Variants in ASPH observed in about 807,000 individuals in gnomAD.
ASPH encodes the protein aspartyl/asparaginyl beta-hydroxylase.
A neutral mutation model predicts 118.4 loss-of-function variants in ASPH; 100 were observed. That is an observed-to-expected ratio of 0.84 (90% CI 0.72 to 1.00). ASPH has a LOEUF of 1.00. Ranked by LOEUF, ASPH falls within the 50% of genes least tolerant of loss-of-function variation. The pLI is 0.00. For missense variants in ASPH, 920 were observed against 919.5 expected (o/e 1.00, Z -0.01); for synonymous variants, 315 against 325.6 (o/e 0.97, Z 0.35).
intron 4 of ASPH, among the ~76,000 whole-genome samples, chr8:61,652,433 G>A (rs1381070160): frequency 6.6e-6 from 1 of 152,130 alleles, no homozygotes; most frequent in East Asian, 1.9e-4. Context: ...AACTTAGTGA[G>A]GACTCCATGC....
At chr8:61,642,085 C>T (rs540764906) in intron 10 of ASPH, among the ~76,000 whole-genome samples, 2 of 152,262 alleles carry the variant, frequency 1.3e-5, no homozygotes, top group East Asian at 3.9e-4. Context: ...TGCTTGGACA[C>T]AAGAGGAGGG....
At chr8:61,667,477 C>A (rs776008554) in intron 3 of ASPH, among the ~76,000 whole-genome samples, 10 of 152,132 alleles carry the variant, frequency 6.6e-5, no homozygotes, top group Non-Finnish European at 1.3e-4. Flanking sequence ...AGCGATTCTT[C>A]TGCCTCAGCC....
At chr8:61,663,152 T>C in intron 3 of ASPH, 1 of 985,428 alleles carries the variant, frequency 1.0e-6, no homozygotes, top group Non-Finnish European at 1.2e-6. Context: ...GTAACTTTCA[T>C]ATGCCTGGGG....
chr8:61,697,376 A>G (rs1167441524), intron 1 of ASPH, among the ~76,000 whole-genome samples: 2 of 152,224 alleles, frequency 1.3e-5, no homozygotes, highest in African/African-American at 4.8e-5. Flanking sequence ...CCAGCAAGTA[A>G]GCAATCAATT....
intron 3 of ASPH, among the ~76,000 whole-genome samples, chr8:61,679,935 G>GCAA (rs1827143040): frequency 1.6e-5 from 2 of 126,770 alleles, no homozygotes; most frequent in Non-Finnish European, 3.4e-5. Context: ...TTCCCAATGG[G>GCAA]CAATAATAAA....
At chr8:61,525,902 C>G (rs1815150064) in intron 22 of ASPH, 75 bp downstream of exon 22, 7 of 1,573,508 alleles carry the variant, frequency 4.4e-6, no homozygotes, top group Non-Finnish European at 8.6e-7. Context: ...GGAAGCATCA[C>G]CAGAAGACTC....
intron 22 of ASPH, among the ~76,000 whole-genome samples, chr8:61,521,447 G>C (rs1812979467): frequency 6.6e-6 from 1 of 152,206 alleles, no homozygotes; most frequent in African/African-American, 2.4e-5. Flanking sequence ...TGAGGGATTT[G>C]AAGCTCAGAG....
At chr8:61,574,907 C>T (rs1401309763) in intron 16 of ASPH, among the ~76,000 whole-genome samples, 10 of 152,186 alleles carry the variant, frequency 6.6e-5, no homozygotes, top group African/African-American at 1.7e-4. Context: ...CTTCTCAGCA[C>T]GTGTAGAATA....
Position 61,651,065 on chromosome 8 carries a change from C to A in ASPH, c.475G>T (p.Val159Leu), listed in dbSNP as rs767403241. The change falls in exon 5 of 25, where the codon GTA (valine) becomes TTA (leucine). Residue 159 changes from valine to leucine, a missense_variant. By Grantham distance (32) the Val-to-Leu change is conservative. Coordinates refer to ENST00000379454, the MANE Select transcript of ASPH (RefSeq NM_004318.4). Reference protein sequence around the residue: ...EQIQSLLHEMVHAEHVEGEDL... With the variant: ...EQIQSLLHEMLHAEHVEGEDL... ...TAATTCATACCATGTTCTGCGTGTA[C>A]CATTTCATGGAGAAGGGACTGAATT... 1 of 1,613,482 alleles carries A rather than the reference C, an allele frequency of 6.2e-7. No homozygotes were observed. Among genetic ancestry groups the A allele is most frequent in the Non-Finnish European group, 8.5e-7 (1 of 1,179,714 alleles).
intron 10 of ASPH, among the ~76,000 whole-genome samples, chr8:61,639,503 C>G (rs771274691): frequency 4.6e-5 from 7 of 152,138 alleles, no homozygotes; most frequent in Non-Finnish European, 8.8e-5. Context: ...CATACTCTCC[C>G]CTTTGGTTTT....
intron 10 of ASPH, among the ~76,000 whole-genome samples, chr8:61,641,823 C>T (rs1047067615): frequency 6.6e-6 from 1 of 152,160 alleles, no homozygotes; most frequent in Non-Finnish European, 1.5e-5. Context: ...CCTCCATATC[C>T]ACCAACTCAA....
intron 14 of ASPH, among the ~76,000 whole-genome samples, chr8:61,604,831 GC>G (rs1845092324): frequency 6.6e-6 from 1 of 152,202 alleles, no homozygotes. Flanking sequence ...GCACAATCAG[GC>G]AGACTCAGGG....
Position 61,501,561 on chromosome 8 carries a change from A to G in ASPH, c.*1798T>C, listed in dbSNP as rs1318799220. 6.6e-6 allele frequency: 1 copy of G among 152,226 alleles called. No homozygotes were observed. Among genetic ancestry groups the G allele is most frequent in the African/African-American group, 2.4e-5 (1 of 41,472 alleles). The allele number at this position is 152,226 out of a possible 1,614,324, so 9.4% of individuals were successfully genotyped here. On this transcript the variant is annotated 3_prime_UTR_variant, in exon 25 of 25. Coordinates refer to ENST00000379454, the MANE Select transcript of ASPH (RefSeq NM_004318.4). Reference sequence around the variant, plus strand: ...CAACAAGTGACATGAATGTTACTACATGAACATTGAATTGTATTGCCCTTG... The same window carrying G: ...CAACAAGTGACATGAATGTTACTACGTGAACATTGAATTGTATTGCCCTTG...
At position 61,607,264 on chromosome 8, in the gene ASPH, G is replaced by A. The variant is rs1442454069; in HGVS notation, c.976+11714C>T. On this transcript the variant is annotated intron_variant, in intron 14 of 24. Coordinates refer to ENST00000379454, the MANE Select transcript of ASPH (RefSeq NM_004318.4). ...AGAAGGGTCAACACATGAAAGGATG[G>A]CTGAAGTCCCAGGACATGGTGCAAG... 5 of 702,232 alleles carry A rather than the reference G, an allele frequency of 7.1e-6. No individual in the cohort carries two copies. The Admixed American group carries it at 1.0e-4, about 14-fold the overall frequency. 43.5% of individuals were successfully genotyped at this position (702,232 alleles called of 1,614,324 possible). A position where few individuals can be genotyped will look rare whatever the true frequency, so the allele number is the denominator to read the frequency against.
In ASPH at chr8:61,632,361, C is replaced by A. The variant is rs116187659; in HGVS notation, c.934+1322G>T. On this transcript the variant is annotated intron_variant, in intron 13 of 24. Coordinates refer to ENST00000379454, the MANE Select transcript of ASPH (RefSeq NM_004318.4). Reference sequence around the variant, plus strand: ...ATAACTAGAAATATATTAATTTGTACAAACATTATTTTTAGGAATATAAAA... The same window carrying A: ...ATAACTAGAAATATATTAATTTGTAAAAACATTATTTTTAGGAATATAAAA... Among the ~76,000 whole-genome samples the A allele has an allele frequency of 5.3e-5, 8 of 152,192 alleles. No homozygotes were observed. In the South Asian group the frequency reaches 1.7e-3, roughly 32 times the overall value.
intron 21 of ASPH, among the ~76,000 whole-genome samples, chr8:61,542,157 A>C (rs1278273598): frequency 6.6e-6 from 1 of 152,174 alleles, no homozygotes. Context: ...GAATTGGATC[A>C]CTTTTTAAAA....
At chr8:61,588,700 C>T (rs1338700780) in intron 14 of ASPH, among the ~76,000 whole-genome samples, 1 of 152,188 alleles carries the variant, frequency 6.6e-6, no homozygotes, top group African/African-American at 2.4e-5. Context: ...CATAGATCCC[C>T]AGAACATAAA....
In ASPH at chr8:61,503,466, C is replaced by T. The variant is rs1437166819; in HGVS notation, c.2170G>A (p.Glu724Lys). ...GAGGCATCCTGCCATACCTCGTGCT[C>T]AAAGGAGTCATCAAAGATGAGCACC... ...GKVLIFDDSF[E>K]HEVWQDASSF... Residue 724 changes from glutamate to lysine, a missense_variant, in exon 25 of 25, where the codon GAG (glutamate) becomes AAG (lysine). Physicochemically the swap from Glu to Lys is moderately conservative, Grantham distance 56 (BLOSUM62 1). Coordinates refer to ENST00000379454, the MANE Select transcript of ASPH (RefSeq NM_004318.4). 4.3e-6 allele frequency: 7 copies of T among 1,612,816 alleles called. No homozygotes were observed. The highest frequency in any genetic ancestry group is 2.7e-5 in the African/African-American group (2 of 74,898).
chr8:61,637,932 ATAAATT>A lies in ASPH; in HGVS notation c.889+9_889+14del. On this transcript the variant is annotated intron_variant, in intron 12 of 24. Coordinates refer to ENST00000379454, the MANE Select transcript of ASPH (RefSeq NM_004318.4). ...TCATATGGAAGGTAAAACCACTTCC[ATAAATT>A]TATCTTACCTTCTACAATTACCTGT... is the stretch of plus-strand genomic sequence containing the variant. The A allele has an allele frequency of 6.2e-7, 1 of 1,603,142 alleles. No homozygotes were observed. The highest frequency in any genetic ancestry group is 8.5e-7 in the Non-Finnish European group (1 of 1,174,478).
Sources: allele counts gnomAD v4.1 joint callset (sites outside exome capture counted in the v4.1 genomes callset), GRCh38; gene constraint gnomAD v4.1.1; transcripts MANE v1.5; gene names NCBI Gene and HGNC (gene_info 2026-07-23, HGNC 2026-07-21).